The following SEMA3A variants were observed in gnomAD, a reference collection of about 807,000 sequenced individuals.
The protein encoded by SEMA3A is semaphorin 3A.
SEMA3A carries 29 observed loss-of-function variants against 97.9 expected under a neutral mutation model. That is an observed-to-expected ratio of 0.30 (90% CI 0.22 to 0.40). SEMA3A has a LOEUF of 0.40. Ranked by LOEUF, SEMA3A falls within the 10% of genes least tolerant of loss-of-function variation. SEMA3A has a pLI of 1.00. For synonymous variants in SEMA3A, 321 were observed against 323.7 expected, an observed-to-expected ratio of 0.99 and a Z score of 0.09; for missense variants, 763 against 951.3, an observed-to-expected ratio of 0.80 and a Z score of 2.60.
chr7:84,254,296 T>C (rs1799669324), intron 3 of SEMA3A, among the ~76,000 whole-genome samples: 1 of 152,180 alleles, frequency 6.6e-6, no homozygotes, highest in Non-Finnish European at 1.5e-5. Context: ...AATAAAGACA[T>C]TGCATTTCCT....
chr7:84,253,004 G>C (rs1016531211), intron 3 of SEMA3A, among the ~76,000 whole-genome samples: 1 of 151,796 alleles, frequency 6.6e-6, no homozygotes, highest in Admixed American at 6.6e-5. Flanking sequence ...TCAGCCTGCC[G>C]AGTAGCTGGG....
intron 3 of SEMA3A, among the ~76,000 whole-genome samples, chr7:84,290,455 T>C (rs1044041821): frequency 6.8e-6 from 1 of 146,778 alleles, no homozygotes; most frequent in Non-Finnish European, 1.5e-5. Flanking sequence ...TTTTTCCTAT[T>C]TATCTTAACT....
intron 1 of SEMA3A, among the ~76,000 whole-genome samples, chr7:84,431,366 G>A (rs1049798226): frequency 1.3e-5 from 2 of 151,914 alleles, no homozygotes; most frequent in Non-Finnish European, 2.9e-5. Flanking sequence ...GGCTTTATGA[G>A]TGCTATTTGA....
rs75014009 is a variant in SEMA3A, at chr7:84,159,076, T to C, written c.113-24125A>G. 4.5e-3 allele frequency among the ~76,000 whole-genome samples: 687 copies of C among 152,194 alleles called. 1 individual carries two copies. The highest frequency in any genetic ancestry group is 7.1e-3 in the Non-Finnish European group (483 of 67,988). On this transcript the variant is annotated intron_variant, in intron 1 of 16. Transcript: ENST00000265362. ...TGCTGGCCCTGATAAATTCATGACT[T>C]CACATTATCATTAACTCAGAAGGTT...
intron 4 of SEMA3A, among the ~76,000 whole-genome samples, chr7:84,079,449 C>G (rs1198427526): frequency 6.6e-6 from 1 of 150,824 alleles, no homozygotes; most frequent in East Asian, 1.9e-4. Flanking sequence ...TCGCAACCTA[C>G]TCATCTGACA....
chr7:83,963,765 A>T (rs2116256800), intron 15 of SEMA3A, among the ~76,000 whole-genome samples: 1 of 152,358 alleles, frequency 6.6e-6, no homozygotes, highest in East Asian at 1.9e-4. Flanking sequence ...GTTTTTGGAA[A>T]CAAGGATGTA....
At position 84,445,493 on chromosome 7, in the gene SEMA3A, C is replaced by CAAAAAAAAAAAAAAAAAAAAAA. The variant is rs61298477; in HGVS notation, c.-246+46945_-246+46966dup. Among the ~76,000 whole-genome samples, 34 of 27,584 alleles carry CAAAAAAAAAAAAAAAAAAAAAA rather than the reference C, an allele frequency of 1.2e-3. 4 individuals carry two copies. Among genetic ancestry groups the CAAAAAAAAAAAAAAAAAAAAAA allele is most frequent in the Non-Finnish European group, 1.8e-3 (23 of 12,682 alleles). The allele number at this position is 27,584 out of a possible 152,430, so 18.1% of individuals were successfully genotyped here. On this transcript the variant is annotated intron_variant, in intron 1 of 3. Coordinates refer to the SEMA3A transcript ENST00000424555. ...TGGGCGACAGAGTGAGACTCCATCTCAAAAAAAAAAAAAAAAAAAAAAAAA... is the reference window on the plus strand; with the variant it reads ...TGGGCGACAGAGTGAGACTCCATCTCAAAAAAAAAAAAAAAAAAAAAAAAAAAAAAAAAAAAAAAAAAAAAAA...
intron 1 of SEMA3A, among the ~76,000 whole-genome samples, chr7:84,389,830 T>C (rs141720469): frequency 3.5e-4 from 54 of 152,260 alleles, no homozygotes; most frequent in African/African-American, 1.3e-3. Flanking sequence ...TGAAGGAGTG[T>C]TTACGTTTTA....
intron 3 of SEMA3A, among the ~76,000 whole-genome samples, chr7:84,212,899 G>A (rs756387806): frequency 2.0e-5 from 3 of 152,092 alleles, no homozygotes; most frequent in Non-Finnish European, 4.4e-5. Context: ...GTACATAACA[G>A]CAATAAAAAT....
At chr7:84,477,675 T>C (rs531129795) in intron 1 of SEMA3A, among the ~76,000 whole-genome samples, 23 of 151,624 alleles carry the variant, frequency 1.5e-4, no homozygotes, top group African/African-American at 4.8e-4. Context: ...TCCATATCTA[T>C]AGAGGTGTTG....
intron 2 of SEMA3A, among the ~76,000 whole-genome samples, chr7:84,367,012 T>G (rs1350235977): frequency 6.6e-6 from 1 of 151,062 alleles, no homozygotes; most frequent in South Asian, 2.1e-4. Context: ...AATTTTTGAA[T>G]AAATTGAGGT....
At chr7:84,012,630 A>C (rs976246983) in intron 7 of SEMA3A, among the ~76,000 whole-genome samples, 1 of 152,234 alleles carries the variant, frequency 6.6e-6, no homozygotes, top group African/African-American at 2.4e-5. Context: ...AAGGAGTTGA[A>C]GCAATTTATA....
chr7:84,491,856 C>A (rs1418734563), intron 1 of SEMA3A, among the ~76,000 whole-genome samples: 1 of 152,108 alleles, frequency 6.6e-6, no homozygotes, highest in Admixed American at 6.6e-5. Context: ...TGTTATTAGA[C>A]AAATGACCTT....
At chr7:84,302,117 C>T (rs545739972) in intron 3 of SEMA3A, among the ~76,000 whole-genome samples, 207 of 152,102 alleles carry the variant, frequency 1.4e-3, no homozygotes, top group Non-Finnish European at 2.5e-3. Flanking sequence ...AAAAAATCAA[C>T]TACTAATACA....
intron 6 of SEMA3A, among the ~76,000 whole-genome samples, chr7:84,026,298 C>A (rs933448916): frequency 2.0e-5 from 3 of 152,134 alleles, no homozygotes; most frequent in African/African-American, 7.2e-5. Flanking sequence ...CCACCTTCAT[C>A]TTTTCAGTTT....
At chr7:84,207,390 A>T (rs1798517612) in intron 3 of SEMA3A, among the ~76,000 whole-genome samples, 1 of 152,228 alleles carries the variant, frequency 6.6e-6, no homozygotes, top group Admixed American at 6.5e-5. Context: ...AACTCTGCCC[A>T]TTCTATCAAA....
chr7:84,238,100 C>T (rs1799277383), intron 3 of SEMA3A, among the ~76,000 whole-genome samples: 1 of 151,688 alleles, frequency 6.6e-6, no homozygotes, highest in Admixed American at 6.6e-5. Context: ...GATGGAGTCT[C>T]ACTCTGTCAC....
At chr7:84,280,087 G>A (rs1216533654) in intron 3 of SEMA3A, among the ~76,000 whole-genome samples, 1 of 152,040 alleles carries the variant, frequency 6.6e-6, no homozygotes, top group African/African-American at 2.4e-5. Context: ...TTTGGAGAGA[G>A]GAGGTTTCAT....
At chr7:84,267,645 G>A (rs1393834389) in intron 3 of SEMA3A, among the ~76,000 whole-genome samples, 1 of 151,650 alleles carries the variant, frequency 6.6e-6, no homozygotes, top group Non-Finnish European at 1.5e-5. Flanking sequence ...TTAACAAGAT[G>A]ATTTTGTGGC....
Sources: gnomAD v4.1 joint callset for allele counts (sites outside exome capture counted in the v4.1 genomes callset) on GRCh38, gnomAD v4.1.1 for gene constraint, MANE v1.5 for transcripts, NCBI Gene and HGNC (gene_info 2026-07-23, HGNC 2026-07-21) for gene names.